The following ALPK3 variants were observed in gnomAD, a reference collection of about 807,000 sequenced individuals.
ALPK3 encodes alpha kinase 3, also known as alpha-protein kinase 3.
Under a neutral mutation model 140.0 loss-of-function variants are expected in ALPK3, and 102 were observed. That is an observed-to-expected ratio of 0.73 (90% CI 0.62 to 0.86). The LOEUF (loss-of-function observed/expected upper bound fraction) is 0.86, where lower values mean the gene tolerates loss of function less well. Among genes scored for constraint, ALPK3 ranks in the 40% least tolerant of loss-of-function variants. The pLI is 0.00. For missense variants in ALPK3, 2,254 were observed against 2,208.2 expected, an observed-to-expected ratio of 1.02 and a Z score of -0.42; for synonymous variants, 938 against 898.5, an observed-to-expected ratio of 1.04 and a Z score of -0.79.
At chr15:84,846,718 G>T (rs1271740844) in intron 5 of ALPK3, among the ~76,000 whole-genome samples, 1 of 152,032 alleles carries the variant, frequency 6.6e-6, no homozygotes, top group Admixed American at 6.6e-5. Flanking sequence ...AGAGGTAAAA[G>T]ATATGAAGAA....
intron 5 of ALPK3, among the ~76,000 whole-genome samples, chr15:84,852,906 A>G (rs964275529): frequency 6.6e-6 from 1 of 152,244 alleles, no homozygotes; most frequent in African/African-American, 2.4e-5. Context: ...GACTAGAGTC[A>G]TGGATACCAA....
intron 3 of ALPK3, among the ~76,000 whole-genome samples, chr15:84,831,043 G>A (rs559384961): frequency 2.0e-5 from 3 of 152,192 alleles, no homozygotes; most frequent in Admixed American, 2.0e-4. Flanking sequence ...ACTTTTTCTT[G>A]CGAATTTGGC....
chr15:84,850,911 C>CAG (rs1178909288), intron 5 of ALPK3, among the ~76,000 whole-genome samples: 1 of 151,026 alleles, frequency 6.6e-6, no homozygotes, highest in Non-Finnish European at 1.5e-5. Context: ...CACACACACA[C>CAG]ACACCCTCTG....
At chr15:84,854,590 A>G (rs1368823917) in intron 5 of ALPK3, among the ~76,000 whole-genome samples, 1 of 152,124 alleles carries the variant, frequency 6.6e-6, no homozygotes, top group African/African-American at 2.4e-5. Flanking sequence ...CCTGGCCTTC[A>G]TTCATTTTCT....
chr15:84,868,480 C>T lies in ALPK3; in HGVS notation c.*24C>T, dbSNP rs1221183022. ...AGCCTCCGCAGAGGCTGGGGGCCTC[C>T]ACCCAGCAGCAGACCAACCAGGAAG... On this transcript the variant is annotated 3_prime_UTR_variant, in exon 14 of 14. Transcript: ENST00000258888. 1.3e-6 allele frequency: 2 copies of T among 1,576,876 alleles called. No individual in the cohort carries two copies. Among genetic ancestry groups the T allele is most frequent in the African/African-American group, 1.4e-5 (1 of 73,650 alleles).
At position 84,856,519 on chromosome 15, in the gene ALPK3, A is replaced by G; in HGVS notation, c.1781A>G (p.Glu594Gly). 2.5e-6 allele frequency: 4 copies of G among 1,614,208 alleles called. No individual in the cohort carries two copies. Among genetic ancestry groups the G allele is most frequent in the Non-Finnish European group, 3.4e-6 (4 of 1,180,034 alleles). ...IIEPMDMETQ[E>G]DGRTSANQRT... is the part of the protein sequence containing the mutation. ...GAACCCATGGATATGGAAACCCAGG[A>G]GGATGGGAGAACATCTGCTAACCAG... The change falls in exon 6 of 14, where the codon GAG becomes GGG. Residue 594 changes from glutamate to glycine, a missense_variant. Coordinates refer to ENST00000258888, the MANE Select transcript of ALPK3 (RefSeq NM_020778.5).
intron 3 of ALPK3, among the ~76,000 whole-genome samples, chr15:84,828,988 A>G (rs1051389205): frequency 6.6e-6 from 1 of 152,242 alleles, no homozygotes; most frequent in African/African-American, 2.4e-5. Context: ...CTATTTAGAA[A>G]GTCCTTAATC....
chr15:84,866,417 A>G (rs1964004068), intron 12 of ALPK3, among the ~76,000 whole-genome samples: 1 of 152,238 alleles, frequency 6.6e-6, no homozygotes, highest in South Asian at 2.1e-4. Context: ...CAGAAGTGGT[A>G]GAGCTGAAAT....
rs773902130 is a variant in ALPK3 at position 84,857,232 on chromosome 15, G to A, written c.2494G>A (p.Glu832Lys). 4.3e-6 allele frequency: 7 copies of A among 1,614,032 alleles called. No homozygotes were observed. The South Asian group carries it at 7.7e-5, about 18-fold the overall frequency. ...QSSGPVEAKQ[E>K]DSPFQCPKEE... ...ATCAGGCCCAGTCGAGGCCAAGCAGGAGGACAGCCCGTTCCAGTGCCCCAA... is the reference window on the plus strand; with the variant it reads ...ATCAGGCCCAGTCGAGGCCAAGCAGAAGGACAGCCCGTTCCAGTGCCCCAA... The change falls in exon 6 of 14, where the codon GAG becomes AAG. Residue 832 changes from glutamate to lysine, a missense_variant. Transcript: ENST00000258888.
At chr15:84,866,929 A>G (rs1964009329) in intron 12 of ALPK3, among the ~76,000 whole-genome samples, 1 of 152,144 alleles carries the variant, frequency 6.6e-6, no homozygotes, top group African/African-American at 2.4e-5. Context: ...CTAGGAATCC[A>G]AAAAAACGGA....
At position 84,857,462 on chromosome 15, in the gene ALPK3, T is replaced by G. The variant is rs2141568201; in HGVS notation, c.2724T>G (p.Ser908=). ...LPSEDQVLMS[S]APTLHLGLGT... ...CTGAGGATCAGGTCCTGATGAGTTC[T>G]GCCCCAACACTGCACCTGGGGCTGG... Residue 908 remains serine (S), a synonymous_variant, in exon 6 of 14, where the codon TCT becomes TCG. Transcript: ENST00000258888. The G allele has an allele frequency of 1.2e-6, 2 of 1,613,130 alleles. No homozygotes were observed. Among genetic ancestry groups the G allele is most frequent in the East Asian group, 2.2e-5 (1 of 44,884 alleles).
chr15:84,829,780 C>G (rs1189577809), intron 3 of ALPK3, among the ~76,000 whole-genome samples: 2 of 152,200 alleles, frequency 1.3e-5, no homozygotes, highest in Admixed American at 6.5e-5. Flanking sequence ...CAGGTAAAAT[C>G]AAAATGCTCC....
intron 3 of ALPK3, among the ~76,000 whole-genome samples, chr15:84,834,193 A>G (rs1963575992): frequency 6.6e-6 from 1 of 152,196 alleles, no homozygotes; most frequent in Non-Finnish European, 1.5e-5. Flanking sequence ...GTACTGGAGA[A>G]AGGAAAAGGA....
rs145141236 is a variant in ALPK3 at position 84,850,819 on chromosome 15, C to T, written c.1654-5573C>T. Among the ~76,000 whole-genome samples the T allele has an allele frequency of 9.3e-3, 1,409 of 151,114 alleles. 23 individuals carry two copies. Among genetic ancestry groups the T allele is most frequent in the African/African-American group, 0.029 (1,191 of 41,298 alleles). ...CCAACTAGGTTCATTCTGCTCACAC[C>T]ATTTTTATTTTTAAGAAACATATGA... On this transcript the variant is annotated intron_variant, in intron 5 of 13. Coordinates refer to ENST00000258888, the MANE Select transcript of ALPK3 (RefSeq NM_020778.5).
At chr15:84,854,425 A>G (rs1412647940) in intron 5 of ALPK3, among the ~76,000 whole-genome samples, 1 of 152,086 alleles carries the variant, frequency 6.6e-6, no homozygotes, top group Non-Finnish European at 1.5e-5. Flanking sequence ...AGCTAAGATT[A>G]CAGATGCGCA....
chr15:84,859,067 G>A (rs1023948313), intron 6 of ALPK3, among the ~76,000 whole-genome samples, 176 bp from the exon 7 acceptor site: 3 of 152,194 alleles, frequency 2.0e-5, no homozygotes, highest in Non-Finnish European at 4.4e-5. Flanking sequence ...TGCTTTGGGG[G>A]TCAGGGCAGA....
intron 5 of ALPK3, among the ~76,000 whole-genome samples, chr15:84,848,653 C>G (rs991016089): frequency 1.3e-5 from 2 of 152,212 alleles, no homozygotes; most frequent in East Asian, 3.9e-4. Flanking sequence ...CTGAGCATAT[C>G]AATTAAATGA....
intron 5 of ALPK3, among the ~76,000 whole-genome samples, chr15:84,850,010 AAAAG>A (rs758676790): frequency 5.0e-4 from 74 of 146,660 alleles, no homozygotes; most frequent in East Asian, 4.1e-3. Flanking sequence ...AAAAAAAAAA[AAAAG>A]AAGACACAAA....
In ALPK3 at chr15:84,860,052, T is replaced by C. The variant is rs374166983; in HGVS notation, c.4109T>C (p.Ile1370Thr). Residue 1370 changes from isoleucine (I) to threonine (T), a missense_variant, in exon 9 of 14, where the codon ATC (isoleucine) becomes ACC (threonine). Ile to Thr is a moderately conservative substitution (Grantham distance 89, BLOSUM62 -1). Coordinates refer to ENST00000258888, the MANE Select transcript of ALPK3 (RefSeq NM_020778.5). ...CLSPEVLSGF[I>T]SREEGEVGEE... ...CTGTATCTAGTGTTGTCAGGATTCA[T>C]CTCCAGAGAAGAAGGTGAAGGTATG... 4 of 1,614,038 alleles carry C rather than the reference T, an allele frequency of 2.5e-6. No individual in the cohort carries two copies. The Admixed American group carries it at 6.7e-5, about 27-fold the overall frequency.
Sources: gnomAD v4.1 joint callset for allele counts (sites outside exome capture counted in the v4.1 genomes callset) on GRCh38, gnomAD v4.1.1 for gene constraint, MANE v1.5 for transcripts, NCBI Gene and HGNC (gene_info 2026-07-23, HGNC 2026-07-21) for gene names.